C1orf21: variants seen among roughly 807,000 people sequenced by gnomAD.
C1orf21 encodes uncharacterized protein C1orf21.
C1orf21 carries 3 observed loss-of-function variants against 18.7 expected under a neutral mutation model. That is an observed-to-expected ratio of 0.16 (90% CI 0.07 to 0.42). The LOEUF (loss-of-function observed/expected upper bound fraction) is 0.42, where lower values mean the gene tolerates loss of function less well. C1orf21 is among the 10% of genes least tolerant of loss of function. The pLI is 0.99. For synonymous variants in C1orf21, 41 were observed against 46.4 expected, an observed-to-expected ratio of 0.88 and a Z score of 0.47; for missense variants, 104 against 143.6, an observed-to-expected ratio of 0.72 and a Z score of 1.41.
chr1:184,607,073 T>C (rs571675566), intron 5 of C1orf21, among the ~76,000 whole-genome samples: 1 of 152,384 alleles, frequency 6.6e-6, no homozygotes, highest in East Asian at 1.9e-4. Context: ...TTCTGCTCTG[T>C]TCCTAGAGAA....
intron 1 of C1orf21, among the ~76,000 whole-genome samples, chr1:184,409,574 G>A (rs1394606517): frequency 6.6e-6 from 1 of 152,162 alleles, no homozygotes; most frequent in African/African-American, 2.4e-5. Flanking sequence ...ATGACAACTA[G>A]CTCCTTATAG....
chr1:184,533,325 A>C (rs1384360870), intron 3 of C1orf21, among the ~76,000 whole-genome samples: 1 of 152,110 alleles, frequency 6.6e-6, no homozygotes, highest in South Asian at 2.1e-4. Flanking sequence ...ATCGTAATTA[A>C]AGTCCTGTTT....
At chr1:184,566,346 T>C (rs560139823) in intron 3 of C1orf21, among the ~76,000 whole-genome samples, 15 of 152,276 alleles carry the variant, frequency 9.9e-5, no homozygotes, top group African/African-American at 3.4e-4. Context: ...GTTGGAGACA[T>C]TAAGGCATGA....
intron 1 of C1orf21, among the ~76,000 whole-genome samples, chr1:184,456,119 A>G (rs995298346): frequency 6.6e-6 from 1 of 152,156 alleles, no homozygotes; most frequent in Non-Finnish European, 1.5e-5. Context: ...TAATCAAATC[A>G]CTGCAATGTA....
Position 184,566,931 on chromosome 1 carries a change from T to G in C1orf21, c.190-23808T>G, listed in dbSNP as rs1571280634. Reference sequence around the variant, plus strand: ...CTCCATCCTATAATACCATCTCCTGTCATCAGCAGCTACAGAAATAAGTCC... The same window carrying G: ...CTCCATCCTATAATACCATCTCCTGGCATCAGCAGCTACAGAAATAAGTCC... On this transcript the variant is annotated intron_variant, in intron 3 of 5. Transcript: ENST00000235307. 5 of 521,932 alleles carry G rather than the reference T, an allele frequency of 9.6e-6. No individual in the cohort carries two copies. In the East Asian group the frequency reaches 2.7e-4, roughly 28 times the overall value. 32.3% of individuals were successfully genotyped at this position (521,932 alleles called of 1,614,324 possible). A position where few individuals can be genotyped will look rare whatever the true frequency, so the allele number is the denominator to read the frequency against.
intron 1 of C1orf21, among the ~76,000 whole-genome samples, chr1:184,431,757 T>C (rs960980480): frequency 1.3e-5 from 2 of 151,986 alleles, no homozygotes; most frequent in African/African-American, 4.8e-5. Flanking sequence ...TACAGGGAAC[T>C]GAAACAAATT....
chr1:184,423,840 AC>A (rs1656585809), intron 1 of C1orf21, among the ~76,000 whole-genome samples: 1 of 149,120 alleles, frequency 6.7e-6, no homozygotes, highest in Non-Finnish European at 1.5e-5. Flanking sequence ...CCATCCCTCC[AC>A]TCATCCATCC....
At chr1:184,607,685 A>C (rs1364542900) in intron 5 of C1orf21, among the ~76,000 whole-genome samples, 1 of 146,338 alleles carries the variant, frequency 6.8e-6, no homozygotes, top group Non-Finnish European at 1.5e-5. Context: ...ATATATACAT[A>C]TATGTGTGTG....
At chr1:184,598,501 G>A (rs759565215) in intron 5 of C1orf21, 40 bp downstream of exon 5, 8 of 1,546,506 alleles carry the variant, frequency 5.2e-6, no homozygotes, top group Non-Finnish European at 7.1e-6. Context: ...TTCAAGGGAA[G>A]TATAGTAATG....
intron 2 of C1orf21, among the ~76,000 whole-genome samples, chr1:184,504,541 C>A (rs1005617782): frequency 6.6e-6 from 1 of 152,170 alleles, no homozygotes; most frequent in African/African-American, 2.4e-5. Flanking sequence ...TGAGGTAGGA[C>A]GTTCCTGATG....
At chr1:184,512,524 G>A (rs1343071596) in intron 3 of C1orf21, among the ~76,000 whole-genome samples, 1 of 152,140 alleles carries the variant, frequency 6.6e-6, no homozygotes, top group Non-Finnish European at 1.5e-5. Context: ...ATATGAAGAT[G>A]TTCATTATCC....
chr1:184,626,281 A>C lies in C1orf21; in HGVS notation c.*6725A>C, dbSNP rs566491706. On this transcript the variant is annotated 3_prime_UTR_variant, in exon 6 of 6. Transcript: ENST00000235307. ...AGCATCTCACCGTGGCAGCCAGCCC[A>C]GTTTTGGCAATCAGGGGCTTCCTGA... The C allele has an allele frequency of 2.0e-5, 3 of 152,322 alleles. No homozygotes were observed. The highest frequency in any genetic ancestry group is 6.5e-5 in the Admixed American group (1 of 15,302). The allele number at this position is 152,322 out of a possible 1,614,324, so 9.4% of individuals were successfully genotyped here.
At chr1:184,433,119 C>G (rs1656793252) in intron 1 of C1orf21, among the ~76,000 whole-genome samples, 1 of 152,186 alleles carries the variant, frequency 6.6e-6, no homozygotes, top group South Asian at 2.1e-4. Flanking sequence ...GTGGCCATCC[C>G]CTGTTGGCCT....
intron 1 of C1orf21, among the ~76,000 whole-genome samples, chr1:184,412,531 A>G (rs537126280): frequency 1.2e-3 from 177 of 152,378 alleles, no homozygotes; most frequent in African/African-American, 4.1e-3. Flanking sequence ...AATTATATTA[A>G]AAGTAATTTG....
chr1:184,388,500 T>C (rs1655921689), intron 1 of C1orf21, among the ~76,000 whole-genome samples: 1 of 152,212 alleles, frequency 6.6e-6, no homozygotes, highest in Non-Finnish European at 1.5e-5. Flanking sequence ...GTTCAGTTAC[T>C]GAAGCAATTC....
chr1:184,490,664 T>C (rs1657804298), intron 2 of C1orf21, among the ~76,000 whole-genome samples: 1 of 152,210 alleles, frequency 6.6e-6, no homozygotes, highest in African/African-American at 2.4e-5. Context: ...AAGAATCATG[T>C]TAGGGATTGG....
intron 3 of C1orf21, among the ~76,000 whole-genome samples, chr1:184,586,504 G>C (rs61825241): frequency 3.3e-5 from 5 of 151,682 alleles, no homozygotes; most frequent in African/African-American, 9.7e-5. Flanking sequence ...AGGATGGTCT[G>C]GATCTCCTGA....
At chr1:184,609,578 G>T (rs890347768) in intron 5 of C1orf21, among the ~76,000 whole-genome samples, 3 of 152,162 alleles carry the variant, frequency 2.0e-5, no homozygotes, top group African/African-American at 7.2e-5. Context: ...GTTTTCCCAG[G>T]TTTCCTGGCT....
chr1:184,428,257 A>C lies in C1orf21; in HGVS notation c.-125+40889A>C, dbSNP rs546369984. 2.0e-5 allele frequency among the ~76,000 whole-genome samples: 3 copies of C among 152,372 alleles called. No homozygotes were observed. In the South Asian group the frequency reaches 6.2e-4, roughly 32 times the overall value. The stretch of plus-strand genomic sequence containing the variant: ...CTACACTGAATTCTTAAGCTGTCCC[A>C]CATGGTATATCATTGTATAGGGGAC... On this transcript the variant is annotated intron_variant, in intron 1 of 5. Coordinates refer to ENST00000235307, the MANE Select transcript of C1orf21 (RefSeq NM_030806.4).
Sources: allele counts gnomAD v4.1 joint callset (sites outside exome capture counted in the v4.1 genomes callset), GRCh38; gene constraint gnomAD v4.1.1; transcripts MANE v1.5; gene names NCBI Gene and HGNC (gene_info 2026-07-23, HGNC 2026-07-21).